Variants in LARGE1 observed in about 807,000 individuals in gnomAD.
LARGE1 encodes LARGE xylosyl- and glucuronyltransferase 1, also known as xylosyl- and glucuronyltransferase LARGE1.
In LARGE1, 43 loss-of-function variants were observed where a neutral mutation model predicts 87.6. The observed-to-expected ratio is 0.49, with a 90% CI of 0.38 to 0.63. The LOEUF (loss-of-function observed/expected upper bound fraction) is 0.63. Among genes scored for constraint, LARGE1 ranks in the 30% least tolerant of loss-of-function variants. The pLI is 0.00. For missense variants in LARGE1, 802 were observed against 1,000.2 expected, an observed-to-expected ratio of 0.80 and a Z score of 2.67; for synonymous variants, 434 against 394.6, an observed-to-expected ratio of 1.10 and a Z score of -1.18.
intron 2 of LARGE1, among the ~76,000 whole-genome samples, chr22:33,712,264 G>A (rs1311722196): frequency 6.6e-6 from 1 of 152,216 alleles, no homozygotes; most frequent in African/African-American, 2.4e-5. Context: ...CTGGAGCCTG[G>A]ATTGCAGGCC....
chr22:33,174,025 C>T (rs147018065), intron 11 of LARGE1, among the ~76,000 whole-genome samples: 1 of 152,192 alleles, frequency 6.6e-6, no homozygotes, highest in African/African-American at 2.4e-5. Context: ...CACCCCAAAT[C>T]AACAGAATAT....
the LARGE1 span, among the ~76,000 whole-genome samples, chr22:33,146,698 C>A: frequency 6.6e-6 from 1 of 152,058 alleles, no homozygotes; most frequent in Non-Finnish European, 1.5e-5. Context: ...CAACTTTATA[C>A]TACTTAGGAC....
intron 1 of LARGE1, among the ~76,000 whole-genome samples, chr22:33,866,336 T>C (rs1337390836): frequency 6.6e-6 from 1 of 152,226 alleles, no homozygotes; most frequent in African/African-American, 2.4e-5. Flanking sequence ...CATGTGGCTA[T>C]TTAAATTTAA....
At chr22:33,717,972 G>A (rs1232414594) in intron 2 of LARGE1, among the ~76,000 whole-genome samples, 1 of 152,098 alleles carries the variant, frequency 6.6e-6, no homozygotes, top group Admixed American at 6.5e-5. Context: ...TCCCATCTCG[G>A]CTCTAAAAGT....
intron 1 of LARGE1, among the ~76,000 whole-genome samples, chr22:33,878,586 G>A (rs559476306): frequency 6.6e-6 from 1 of 152,270 alleles, no homozygotes; most frequent in East Asian, 1.9e-4. Context: ...CATGGATGTA[G>A]AAACTAAACA....
chr22:33,625,331 C>T (rs2079886680), intron 4 of LARGE1, among the ~76,000 whole-genome samples: 1 of 152,160 alleles, frequency 6.6e-6, no homozygotes, highest in Non-Finnish European at 1.5e-5. Context: ...AAGAAAAGTT[C>T]CATGAGAAAG....
chr22:33,321,421 A>G (rs988784456), intron 10 of LARGE1, among the ~76,000 whole-genome samples: 3 of 152,182 alleles, frequency 2.0e-5, no homozygotes, highest in Non-Finnish European at 4.4e-5. Context: ...ATGCCTATAA[A>G]CCATAATGTT....
chr22:33,830,918 C>G (rs2062945516), intron 1 of LARGE1, among the ~76,000 whole-genome samples: 1 of 152,162 alleles, frequency 6.6e-6, no homozygotes, highest in African/African-American at 2.4e-5. Context: ...TAATCTCATT[C>G]ATGAGGGCTC....
chr22:33,508,118 T>C (rs2070852306), intron 6 of LARGE1, among the ~76,000 whole-genome samples: 1 of 152,180 alleles, frequency 6.6e-6, no homozygotes, highest in East Asian at 1.9e-4. Flanking sequence ...CTCAAAAACT[T>C]TCACAGAGAT....
chr22:33,104,883 TTC>T, the LARGE1 span, among the ~76,000 whole-genome samples: 6,238 of 48,628 alleles, frequency 0.13, 209 homozygotes, highest in Non-Finnish European at 0.2. Context: ...TCAATAGACT[TTC>T]TCTCTCTTTC....
chr22:33,557,355 A>G (rs773646643), intron 6 of LARGE1, among the ~76,000 whole-genome samples: 19 of 152,198 alleles, frequency 1.2e-4, no homozygotes, highest in Non-Finnish European at 2.1e-4. Flanking sequence ...CAAGAAAATC[A>G]AAGCGCTAGT....
chr22:33,566,353 A>G (rs752309627), intron 5 of LARGE1, among the ~76,000 whole-genome samples: 2 of 152,292 alleles, frequency 1.3e-5, no homozygotes, highest in Non-Finnish European at 2.9e-5. Context: ...AGCAAGCTTT[A>G]AAACTGCTTT....
chr22:33,473,465 TCA>T, intron 6 of LARGE1, among the ~76,000 whole-genome samples: 1 of 152,334 alleles, frequency 6.6e-6, no homozygotes, highest in South Asian at 2.1e-4. Context: ...TTCTCCCGCC[TCA>T]GCCTCCTGAG....
chr22:33,120,544 G>C, the LARGE1 span, among the ~76,000 whole-genome samples: 1 of 149,988 alleles, frequency 6.7e-6, no homozygotes, highest in Non-Finnish European at 1.5e-5. Context: ...TGTCACCCAG[G>C]CTGGGGTGCA....
At chr22:33,536,252 G>A (rs1425524724) in intron 6 of LARGE1, among the ~76,000 whole-genome samples, 1 of 152,200 alleles carries the variant, frequency 6.6e-6, no homozygotes, top group East Asian at 1.9e-4. Context: ...GGCATGAGCA[G>A]AAAAGTGCAA....
At chr22:33,130,299 G>A in the LARGE1 span, among the ~76,000 whole-genome samples, 8 of 100,230 alleles carry the variant, frequency 8.0e-5, 1 homozygote, top group African/African-American at 3.7e-4. Context: ...GGGCGAAAGA[G>A]TGAGATTCCG....
At chr22:33,859,493 T>C (rs1020549598) in intron 1 of LARGE1, among the ~76,000 whole-genome samples, 2 of 151,900 alleles carry the variant, frequency 1.3e-5, no homozygotes, top group Non-Finnish European at 2.9e-5. Context: ...ACTCAGAAAA[T>C]AAAAGGGAGT....
intron 9 of LARGE1, among the ~76,000 whole-genome samples, chr22:33,343,220 C>T (rs1042493205): frequency 6.6e-6 from 1 of 152,074 alleles, no homozygotes; most frequent in Non-Finnish European, 1.5e-5. Flanking sequence ...CCTCAATCTC[C>T]CAGACTCAAG....
intron 1 of LARGE1, among the ~76,000 whole-genome samples, chr22:33,892,976 G>A (rs551925335): frequency 1.3e-5 from 2 of 152,212 alleles, no homozygotes; most frequent in Non-Finnish European, 2.9e-5. Context: ...ATTAAAAAGG[G>A]AGAAGGTGAA....
Sources: gnomAD v4.1 joint callset for allele counts (sites outside exome capture counted in the v4.1 genomes callset) on GRCh38, gnomAD v4.1.1 for gene constraint, MANE v1.5 for transcripts, NCBI Gene and HGNC (gene_info 2026-07-23, HGNC 2026-07-21) for gene names.